FAR1: variants seen among roughly 807,000 people sequenced by gnomAD.
FAR1 encodes male sterility domain-containing protein 2.
In FAR1, 22 loss-of-function variants were observed where a neutral mutation model predicts 61.1. The observed-to-expected ratio is 0.36, with a 90% CI of 0.26 to 0.51. The LOEUF is 0.51. FAR1 is among the 20% of genes least tolerant of loss of function. The pLI is 0.95. For missense variants in FAR1, 359 were observed against 626.9 expected (o/e 0.57, Z 4.56); for synonymous variants, 206 against 209.7 (o/e 0.98, Z 0.15).
At chr11:13,703,830 G>A (rs1848403678) in intron 3 of FAR1, among the ~76,000 whole-genome samples, 1 of 151,942 alleles carries the variant, frequency 6.6e-6, no homozygotes, top group African/African-American at 2.4e-5. Flanking sequence ...GATCACCTGA[G>A]GTCAGGAGTT....
At chr11:13,713,998 T>G (rs898354399) in intron 8 of FAR1, among the ~76,000 whole-genome samples, 1 of 152,146 alleles carries the variant, frequency 6.6e-6, no homozygotes, top group East Asian at 1.9e-4. Context: ...AGTATTAATA[T>G]AGATGATACT....
intron 7 of FAR1, among the ~76,000 whole-genome samples, chr11:13,712,316 A>T (rs957699053): frequency 6.6e-6 from 1 of 151,790 alleles, no homozygotes; most frequent in African/African-American, 2.4e-5. Flanking sequence ...ACCCTCCCCT[A>T]AGCATGATTT....
chr11:13,693,844 T>C (rs779951719), intron 1 of FAR1, among the ~76,000 whole-genome samples: 1 of 152,192 alleles, frequency 6.6e-6, no homozygotes, highest in Non-Finnish European at 1.5e-5. Flanking sequence ...TTTTTCCAGG[T>C]TGTTATGAAC....
At chr11:13,706,943 T>C (rs1011648304) in intron 3 of FAR1, among the ~76,000 whole-genome samples, 6 of 152,202 alleles carry the variant, frequency 3.9e-5, no homozygotes, top group African/African-American at 1.4e-4. Context: ...GTTTATGTCC[T>C]GATAAGTAGG....
intron 2 of FAR1, 38 bp from the exon 3 acceptor site, chr11:13,700,279 A>C: frequency 6.8e-7 from 1 of 1,468,998 alleles, no homozygotes; most frequent in Non-Finnish European, 9.2e-7. Context: ...AAAGTGGAAA[A>C]ATACTGCTGT....
At chr11:13,675,292 G>A (rs544989148) in intron 1 of FAR1, among the ~76,000 whole-genome samples, 1 of 152,084 alleles carries the variant, frequency 6.6e-6, no homozygotes, top group African/African-American at 2.4e-5. Flanking sequence ...TGCCAAAATT[G>A]GTGGTAGAGA....
At chr11:13,715,489 GGAT>G (rs1297155569) in intron 9 of FAR1, among the ~76,000 whole-genome samples, 2 of 152,108 alleles carry the variant, frequency 1.3e-5, no homozygotes, top group African/African-American at 4.8e-5. Context: ...TGCTTCAAAT[GGAT>G]GGTGCAGTTT....
chr11:13,672,685 A>G (rs999123821), intron 1 of FAR1, among the ~76,000 whole-genome samples: 3 of 152,272 alleles, frequency 2.0e-5, no homozygotes, highest in Non-Finnish European at 2.9e-5. Context: ...TTCAGTCCCT[A>G]CTTGGTAAGA....
intron 11 of FAR1, 103 bp from the exon 12 acceptor site, chr11:13,728,509 T>C (rs1848689228): frequency 2.9e-6 from 3 of 1,043,986 alleles, no homozygotes; most frequent in Non-Finnish European, 2.8e-6. Context: ...CAAATTAATA[T>C]GGATTTGAGC....
chr11:13,679,291 A>G (rs2134169109), intron 1 of FAR1, among the ~76,000 whole-genome samples: 1 of 152,300 alleles, frequency 6.6e-6, no homozygotes, highest in South Asian at 2.1e-4. Context: ...TTATTAAGGT[A>G]AAAAGTGATC....
At position 13,721,496 on chromosome 11, in the gene FAR1, A is replaced by T. The variant is rs1418487323; in HGVS notation, c.1128-234A>T. 1 of 395,594 alleles carries T rather than the reference A, an allele frequency of 2.5e-6. No individual in the cohort carries two copies. The highest frequency in any genetic ancestry group is 4.6e-5 in the Admixed American group (1 of 21,766). The allele number at this position is 395,594 out of a possible 1,614,324, so 24.5% of individuals were successfully genotyped here. A position where few individuals can be genotyped will look rare whatever the true frequency, so the allele number is the denominator to read the frequency against. On this transcript the variant is annotated intron_variant, in intron 9 of 11. Coordinates refer to ENST00000354817, the MANE Select transcript of FAR1 (RefSeq NM_032228.6). The surrounding 1 kb of genome is among the most constrained non-coding windows in gnomAD (Gnocchi z 4.2). ...GCAGAACTCTGTTTAGGTGGTATTAAATGCATTTGCTGCTGCTTTCAAAAA... is the reference window on the plus strand; with the variant it reads ...GCAGAACTCTGTTTAGGTGGTATTATATGCATTTGCTGCTGCTTTCAAAAA...
chr11:13,725,936 G>A (rs1157961743), intron 10 of FAR1, among the ~76,000 whole-genome samples: 3 of 148,972 alleles, frequency 2.0e-5, no homozygotes, highest in South Asian at 2.1e-4. Context: ...TTTTTTGGCC[G>A]CCCTTTAGAT....
At chr11:13,676,428 A>T (rs1848070007) in intron 1 of FAR1, among the ~76,000 whole-genome samples, 1 of 152,102 alleles carries the variant, frequency 6.6e-6, no homozygotes, top group Admixed American at 6.5e-5. Flanking sequence ...CTGTGTCCTT[A>T]GGCAGTTAAG....
chr11:13,711,149 C>A, intron 5 of FAR1: 1 of 374,192 alleles, frequency 2.7e-6, no homozygotes, highest in Non-Finnish European at 4.8e-6. Context: ...TGGTTTGTTT[C>A]TTAGTAGCAA....
chr11:13,703,604 A>C (rs187081765), intron 3 of FAR1, among the ~76,000 whole-genome samples: 150 of 152,350 alleles, frequency 9.8e-4, no homozygotes, highest in African/African-American at 3.5e-3. Context: ...ATAGAAAATA[A>C]GGATGTATTA....
intron 1 of FAR1, among the ~76,000 whole-genome samples, chr11:13,683,185 G>A (rs1337530926): frequency 6.6e-6 from 1 of 152,092 alleles, no homozygotes; most frequent in African/African-American, 2.4e-5. Context: ...TTGAGGTCAG[G>A]AGTTGGAGAC....
Position 13,668,705 on chromosome 11 carries a change from C to T in FAR1, c.-109C>T, listed in dbSNP as rs1847954275. The T allele has an allele frequency of 6.5e-6, 1 of 154,076 alleles. No individual in the cohort carries two copies. Among genetic ancestry groups the T allele is most frequent in the East Asian group, 1.9e-4 (1 of 5,212 alleles). 9.5% of individuals were successfully genotyped at this position (154,076 alleles called of 1,614,324 possible). On this transcript the variant is annotated 5_prime_UTR_variant, in exon 1 of 12. Transcript: ENST00000354817. ...CCGCTCTTCAGCAGCCGGTCGCGGG[C>T]GGTGGAAAAGCGAGTGAAGAGAGCG...
chr11:13,702,051 G>C (rs1848381932), intron 3 of FAR1, among the ~76,000 whole-genome samples: 1 of 151,994 alleles, frequency 6.6e-6, no homozygotes. Flanking sequence ...CAGTTTGACT[G>C]TCCATGGCAG....
At chr11:13,716,688 G>A (rs1848560968) in intron 9 of FAR1, among the ~76,000 whole-genome samples, 1 of 152,166 alleles carries the variant, frequency 6.6e-6, no homozygotes, top group Admixed American at 6.5e-5. Context: ...ACCCATGGAA[G>A]TCATGCAGCA....
Sources: allele counts gnomAD v4.1 joint callset (sites outside exome capture counted in the v4.1 genomes callset), GRCh38; gene constraint gnomAD v4.1.1; non-coding constraint Gnocchi (gnomAD v3.1); transcripts MANE v1.5; gene names NCBI Gene and HGNC (gene_info 2026-07-23, HGNC 2026-07-21).